CUX1: variants seen among roughly 807,000 people sequenced by gnomAD.
CUX1 encodes protein CASP.
A neutral mutation model predicts 158.8 loss-of-function variants in CUX1; 31 were observed. The ratio of observed to expected loss-of-function variants is 0.20; its 90% confidence interval spans 0.15 to 0.26. The LOEUF (loss-of-function observed/expected upper bound fraction) is 0.26. Among genes scored for constraint, CUX1 ranks in the 10% least tolerant of loss-of-function variants. CUX1 has a pLI of 1.00. For synonymous variants in CUX1, 879 were observed against 862.1 expected, an observed-to-expected ratio of 1.02 and a Z score of -0.34; for missense variants, 1,589 against 2,014.6, an observed-to-expected ratio of 0.79 and a Z score of 4.04.
At chr7:102,021,614 CTTTTTTTTT>C (rs67147187) in intron 2 of CUX1, among the ~76,000 whole-genome samples, 22 of 109,354 alleles carry the variant, frequency 2.0e-4, no homozygotes, top group African/African-American at 2.5e-4. Flanking sequence ...TTTTTTTTCT[CTTTTTTTTT>C]TTTTTTTTTT....
intron 1 of CUX1, among the ~76,000 whole-genome samples, chr7:101,911,815 G>A (rs1457436430): frequency 2.6e-5 from 4 of 152,238 alleles, no homozygotes; most frequent in Non-Finnish European, 4.4e-5. Context: ...AAGGTGGACC[G>A]GGCCACACGG....
intron 3 of CUX1, among the ~76,000 whole-genome samples, chr7:102,067,972 G>A (rs13242989): frequency 1.3e-5 from 2 of 152,048 alleles, no homozygotes; most frequent in African/African-American, 4.8e-5. Flanking sequence ...AGTGAGCTGA[G>A]ACTGCGCCAC....
intron 23 of CUX1, among the ~76,000 whole-genome samples, chr7:102,246,572 T>G (rs1171804418): frequency 8.8e-5 from 4 of 45,238 alleles, no homozygotes; most frequent in East Asian, 1.6e-3. Flanking sequence ...CAGAAAACCT[T>G]TGTTTTTTTT....
chr7:102,249,243 C>T lies in CUX1; in HGVS notation c.*201C>T. Reference sequence around the variant, plus strand: ...CCGAGGCCCAGATCCAAGGCCGCGGCCCAGACCCACTCTGCGGCCCGGGCC... The same window carrying T: ...CCGAGGCCCAGATCCAAGGCCGCGGTCCAGACCCACTCTGCGGCCCGGGCC... On this transcript the variant is annotated 3_prime_UTR_variant, in exon 24 of 24. Coordinates refer to ENST00000292535, the MANE Select transcript of CUX1 (RefSeq NM_181552.4). 9.2e-7 allele frequency: 1 copy of T among 1,085,500 alleles called. No homozygotes were observed. The highest frequency in any genetic ancestry group is 1.1e-6 in the Non-Finnish European group (1 of 893,394). The allele number at this position is 1,085,500 out of a possible 1,614,324, so 67.2% of individuals were successfully genotyped here.
chr7:102,190,480 C>A (rs562523450), intron 12 of CUX1, among the ~76,000 whole-genome samples: 1 of 152,288 alleles, frequency 6.6e-6, no homozygotes, highest in South Asian at 2.1e-4. Flanking sequence ...CCTGTCCCCC[C>A]ACATCCATAA....
At chr7:102,114,909 G>GA (rs1268134122) in intron 7 of CUX1, among the ~76,000 whole-genome samples, 2 of 142,494 alleles carry the variant, frequency 1.4e-5, no homozygotes, top group African/African-American at 2.5e-5. Context: ...AAGAAAGAAA[G>GA]AAGGAAGGGA....
chr7:101,888,300 C>T (rs1012218167), intron 1 of CUX1, among the ~76,000 whole-genome samples: 11 of 151,946 alleles, frequency 7.2e-5, no homozygotes, highest in Admixed American at 7.2e-4. Flanking sequence ...CACTGCACTC[C>T]AGCCTGGGTG....
rs200017488 is a variant in CUX1 at position 102,252,128 on chromosome 7, T to TA, written c.*3094dup. 7.2e-4 allele frequency: 712 copies of TA among 984,268 alleles called. 6 individuals carry two copies. In the South Asian group the frequency reaches 0.021, roughly 29 times the overall value. The allele number at this position is 984,268 out of a possible 1,614,324, so 61.0% of individuals were successfully genotyped here. On this transcript the variant is annotated 3_prime_UTR_variant, in exon 24 of 24. Transcript: ENST00000292535. ...TTTTTTCCTCTATTATTTATTTTTT[T>TA]AAAAAAAATAGAGATCCTAACCTTA...
intron 8 of CUX1, among the ~76,000 whole-genome samples, chr7:102,142,569 G>T (rs1329171207): frequency 6.6e-6 from 1 of 152,044 alleles, no homozygotes; most frequent in African/African-American, 2.4e-5. Flanking sequence ...AGGCTGCAGT[G>T]AGCCATGATA....
At chr7:102,181,854 G>A (rs1793120147) in intron 11 of CUX1, among the ~76,000 whole-genome samples, 1 of 152,162 alleles carries the variant, frequency 6.6e-6, no homozygotes, top group Non-Finnish European at 1.5e-5. Flanking sequence ...TTTTCCTAAT[G>A]TGTATAATGT....
intron 23 of CUX1, among the ~76,000 whole-genome samples, chr7:102,243,071 C>T (rs187214298): frequency 4.3e-4 from 65 of 151,862 alleles, no homozygotes; most frequent in African/African-American, 1.6e-3. Flanking sequence ...GCCAGGAGTT[C>T]GAGACCAGCC....
intron 11 of CUX1, 131 bp downstream of exon 11, chr7:102,178,788 G>A: frequency 1.0e-6 from 1 of 954,526 alleles, no homozygotes; most frequent in Non-Finnish European, 1.5e-6. Flanking sequence ...CTGTAAAGTA[G>A]CACCAAGCAG....
intron 8 of CUX1, among the ~76,000 whole-genome samples, chr7:102,157,926 G>A (rs1426225350): frequency 2.6e-5 from 4 of 152,118 alleles, no homozygotes; most frequent in Non-Finnish European, 5.9e-5. Context: ...TTGCTTTTAC[G>A]ACCAGGCTGG....
intron 1 of CUX1, among the ~76,000 whole-genome samples, chr7:101,839,061 C>G (rs1186043617): frequency 6.6e-6 from 1 of 152,190 alleles, no homozygotes; most frequent in African/African-American, 2.4e-5. Flanking sequence ...CAAGCCAGCT[C>G]TCTGGTATCT....
rs139461876 is a variant in CUX1 at position 102,014,581 on chromosome 7, G to A, written c.142-13517G>A. The stretch of plus-strand genomic sequence containing the variant: ...CCTAGCCGCGTGCTGCTCTGCCATC[G>A]GGGATGCTAAAGTCGGGGAGGGCCA... On this transcript the variant is annotated intron_variant, in intron 2 of 23. Coordinates refer to ENST00000292535, the MANE Select transcript of CUX1 (RefSeq NM_181552.4). Among the ~76,000 whole-genome samples, 26 of 152,234 alleles carry A rather than the reference G, an allele frequency of 1.7e-4. No individual in the cohort carries two copies. In the East Asian group the frequency reaches 4.4e-3, roughly 26 times the overall value.
downstream of CUX1, among the ~76,000 whole-genome samples, chr7:102,261,026 T>C (rs1554543733): frequency 6.6e-6 from 1 of 152,236 alleles, no homozygotes; most frequent in African/African-American, 2.4e-5. Context: ...TCCACAGAGC[T>C]ACCGTGATGT....
intron 1 of CUX1, among the ~76,000 whole-genome samples, chr7:101,879,886 C>T (rs1799541424): frequency 6.6e-6 from 1 of 152,200 alleles, no homozygotes; most frequent in Admixed American, 6.5e-5. Flanking sequence ...CAGGGGACCG[C>T]AGAGTCACAC....
At chr7:101,988,727 G>A (rs73185836) in intron 2 of CUX1, among the ~76,000 whole-genome samples, 22,455 of 152,082 alleles carry the variant, frequency 0.15, 2,188 homozygotes, top group Middle Eastern at 0.22. Flanking sequence ...GGGGCTGGGC[G>A]CGGTGGTTCA....
chr7:101,965,879 A>G (rs1811140013), intron 2 of CUX1, among the ~76,000 whole-genome samples: 1 of 144,678 alleles, frequency 6.9e-6, no homozygotes, highest in Admixed American at 6.9e-5. Flanking sequence ...AAAAAAGATG[A>G]CTTGGAGATT....
Sources: gnomAD v4.1 joint callset for allele counts (sites outside exome capture counted in the v4.1 genomes callset) on GRCh38, gnomAD v4.1.1 for gene constraint, MANE v1.5 for transcripts, NCBI Gene and HGNC (gene_info 2026-07-23, HGNC 2026-07-21) for gene names.